IFTAP: variants seen among roughly 807,000 people sequenced by gnomAD.
IFTAP encodes intraflagellar transport-associated protein.
A neutral mutation model predicts 19.4 loss-of-function variants in IFTAP; 19 were observed. That is an observed-to-expected ratio of 0.98 (90% CI 0.68 to 1.44). IFTAP has a LOEUF of 1.44. Ranked by LOEUF, IFTAP falls within the 40% of genes most tolerant of loss-of-function variation. The pLI is 0.00. For missense variants in IFTAP, 240 were observed against 253.6 expected, an observed-to-expected ratio of 0.95 and a Z score of 0.36; for synonymous variants, 85 against 83.5, an observed-to-expected ratio of 1.02 and a Z score of -0.10.
chr11:36,639,768 T>C (rs1364982595), intron 4 of IFTAP, among the ~76,000 whole-genome samples: 1 of 152,146 alleles, frequency 6.6e-6, no homozygotes, highest in Admixed American at 6.5e-5. Context: ...ACCTCCAACA[T>C]TGGGGACCAA....
chr11:36,601,036 C>T (rs561816550), intron 1 of IFTAP, among the ~76,000 whole-genome samples: 2 of 152,306 alleles, frequency 1.3e-5, no homozygotes, highest in African/African-American at 4.8e-5. Context: ...GTTCTGTGAA[C>T]TCATGACAGT....
intron 1 of IFTAP, among the ~76,000 whole-genome samples, chr11:36,599,372 G>T (rs985738844): frequency 1.3e-5 from 2 of 152,180 alleles, no homozygotes; most frequent in African/African-American, 4.8e-5. Context: ...CATTTGATCA[G>T]TTTCCATATG....
chr11:36,604,894 C>A lies in IFTAP; in HGVS notation c.-23-5187C>A, dbSNP rs144989738. 1.6e-3 allele frequency among the ~76,000 whole-genome samples: 246 copies of A among 151,912 alleles called. 2 individuals carry two copies. The highest frequency in any genetic ancestry group is 5.6e-3 in the African/African-American group (232 of 41,410). On this transcript the variant is annotated intron_variant, in intron 1 of 5. Transcript: ENST00000334307. The stretch of plus-strand genomic sequence containing the variant: ...TCTGAATTTCTCACTGGATGTTTTT[C>A]TTTCTTCTTGATATTATCTGAAAGA...
intron 4 of IFTAP, among the ~76,000 whole-genome samples, chr11:36,638,427 C>G (rs1853049073): frequency 6.6e-6 from 1 of 152,188 alleles, no homozygotes; most frequent in South Asian, 2.1e-4. Flanking sequence ...TCAAGACCTT[C>G]CCACACATAG....
intron 2 of IFTAP, among the ~76,000 whole-genome samples, chr11:36,618,599 G>A (rs547433429): frequency 6.6e-6 from 1 of 151,936 alleles, no homozygotes; most frequent in Non-Finnish European, 1.5e-5. Flanking sequence ...GAAAAGAAGA[G>A]AATACAGAAT....
chr11:36,641,660 C>T lies in IFTAP; in HGVS notation c.358+5543C>T, dbSNP rs373237024. Among the ~76,000 whole-genome samples, 38 of 152,210 alleles carry T rather than the reference C, an allele frequency of 2.5e-4. No homozygotes were observed. The East Asian group carries it at 3.9e-3, about 15-fold the overall frequency. On this transcript the variant is annotated intron_variant, in intron 4 of 5. Coordinates refer to ENST00000334307, the MANE Select transcript of IFTAP (RefSeq NM_138787.4). ...GAGATAGTTTTTTATAATTTCTGTT[C>T]TTTTACATTTGCTGAGGAGTGCTTT...
intron 4 of IFTAP, among the ~76,000 whole-genome samples, chr11:36,636,633 G>A (rs1194554227): frequency 1.3e-5 from 2 of 152,172 alleles, no homozygotes; most frequent in Non-Finnish European, 2.9e-5. Flanking sequence ...CAAAGCCTAG[G>A]CTGAAAATCT....
chr11:36,598,263 A>G (rs1159648340), intron 1 of IFTAP: 1 of 152,072 alleles, frequency 6.6e-6, no homozygotes, highest in Non-Finnish European at 1.5e-5. Context: ...AGATGTTCTT[A>G]TGAACACTGA....
intron 2 of IFTAP, among the ~76,000 whole-genome samples, chr11:36,624,881 C>T (rs1852450747): frequency 6.6e-6 from 1 of 152,144 alleles, no homozygotes; most frequent in Admixed American, 6.6e-5. Context: ...CTTACTGTTG[C>T]ATGAGCGAGA....
Position 36,640,941 on chromosome 11 carries a change from C to CA in IFTAP, c.358+4830dup, listed in dbSNP as rs368091091. Among the ~76,000 whole-genome samples, 937 of 152,148 alleles carry CA rather than the reference C, an allele frequency of 6.2e-3. 11 individuals are homozygous for CA. Among genetic ancestry groups the CA allele is most frequent in the African/African-American group, 0.022 (908 of 41,524 alleles). The stretch of plus-strand genomic sequence containing the variant: ...ACCAATGGATTTTAATGTAGCAGTA[C>CA]AAAAAATTCACTGACAAGTTTTCAG... On this transcript the variant is annotated intron_variant, in intron 4 of 5. Transcript: ENST00000334307.
At chr11:36,601,468 C>T (rs1415433591) in intron 1 of IFTAP, among the ~76,000 whole-genome samples, 9 of 152,182 alleles carry the variant, frequency 5.9e-5, no homozygotes, top group South Asian at 4.1e-4. Context: ...TGACTGGTAT[C>T]GTCCTAAAAA....
intron 4 of IFTAP, 29 bp downstream of exon 4, chr11:36,636,146 C>T: frequency 6.5e-7 from 1 of 1,528,860 alleles, no homozygotes; most frequent in Non-Finnish European, 9.0e-7. Flanking sequence ...TTCTATACTA[C>T]CTGACCTCTT....
chr11:36,633,012 T>C (rs952075732), intron 2 of IFTAP, among the ~76,000 whole-genome samples: 3 of 151,268 alleles, frequency 2.0e-5, no homozygotes, highest in Non-Finnish European at 4.4e-5. Flanking sequence ...ACAAATACTG[T>C]ATTTTATTAA....
intron 2 of IFTAP, among the ~76,000 whole-genome samples, chr11:36,619,267 G>C (rs12292030): frequency 0.041 from 6,202 of 152,014 alleles, 413 homozygotes; most frequent in African/African-American, 0.14. Context: ...TCTAAAAAAT[G>C]TAATTAAAAA....
intron 2 of IFTAP, among the ~76,000 whole-genome samples, chr11:36,618,734 T>C (rs1208512455): frequency 6.6e-6 from 1 of 152,028 alleles, no homozygotes; most frequent in African/African-American, 2.4e-5. Flanking sequence ...GATTTTGATA[T>C]ACTATGTAAT....
chr11:36,604,629 A>C (rs12271312), intron 1 of IFTAP, among the ~76,000 whole-genome samples: 3,414 of 152,260 alleles, frequency 0.022, 126 homozygotes, highest in African/African-American at 0.077. Flanking sequence ...AAATGGAGGC[A>C]TGAATATACC....
At chr11:36,640,556 T>C (rs1395518795) in intron 4 of IFTAP, among the ~76,000 whole-genome samples, 1 of 152,180 alleles carries the variant, frequency 6.6e-6, no homozygotes, top group Admixed American at 6.6e-5. Flanking sequence ...ATCACCATTT[T>C]TATTGGAAAG....
intron 2 of IFTAP, among the ~76,000 whole-genome samples, chr11:36,630,484 TG>T (rs1321990905): frequency 1.3e-5 from 2 of 151,560 alleles, no homozygotes; most frequent in African/African-American, 4.9e-5. Flanking sequence ...TGAGAATTTT[TG>T]TTAGACCTGA....
chr11:36,631,109 A>G (rs763984580), intron 2 of IFTAP, among the ~76,000 whole-genome samples: 13 of 151,404 alleles, frequency 8.6e-5, no homozygotes, highest in Non-Finnish European at 1.3e-4. Context: ...ACTCCAACAT[A>G]TTCTTAGCAA....
Sources: allele counts gnomAD v4.1 joint callset (sites outside exome capture counted in the v4.1 genomes callset), GRCh38; gene constraint gnomAD v4.1.1; transcripts MANE v1.5; gene names NCBI Gene and HGNC (gene_info 2026-07-23, HGNC 2026-07-21).